The following PDE1C variants were observed in gnomAD, a reference collection of about 807,000 sequenced individuals.
The protein encoded by PDE1C is phosphodiesterase 1C, also known as dual specificity calcium/calmodulin-dependent 3',5'-cyclic nucleotide phosphodiesterase 1C.
Under a neutral mutation model 93.1 loss-of-function variants are expected in PDE1C, and 62 were observed. That is an observed-to-expected ratio of 0.67 (90% CI 0.54 to 0.82). The LOEUF is 0.82. PDE1C is among the 40% of genes least tolerant of loss of function. The pLI is 0.00. For missense variants in PDE1C, 742 were observed against 884.6 expected (o/e 0.84, Z 2.04); for synonymous variants, 325 against 310.1 (o/e 1.05, Z -0.50).
At chr7:31,945,110 C>T (rs1274492864) in intron 2 of PDE1C, among the ~76,000 whole-genome samples, 1 of 152,112 alleles carries the variant, frequency 6.6e-6, no homozygotes, top group Non-Finnish European at 1.5e-5. Context: ...TTTCAAATAA[C>T]ATTCCACTCA....
intron 2 of PDE1C, among the ~76,000 whole-genome samples, chr7:32,025,059 A>G (rs1456913747): frequency 6.6e-6 from 1 of 152,122 alleles, no homozygotes; most frequent in African/African-American, 2.4e-5. Context: ...TCACTGACAG[A>G]AGAGGCAAAT....
rs560054094 is a variant in PDE1C, at chr7:32,180,361, G to A, written c.137-10405C>T. Among the ~76,000 whole-genome samples, 3 of 152,298 alleles carry A rather than the reference G, an allele frequency of 2.0e-5. No homozygotes were observed. The South Asian group carries it at 6.2e-4, about 32-fold the overall frequency. On this transcript the variant is annotated intron_variant, in intron 2 of 18. Coordinates refer to the PDE1C transcript ENST00000396193. The stretch of plus-strand genomic sequence containing the variant: ...TGATGATACATTCTAAATTCCCAAA[G>A]ACATTAGGATTTATTTCTAAGTTAT...
Position 31,816,070 on chromosome 7 carries a change from G to A in PDE1C, c.1667C>T (p.Ala556Val). The A allele has an allele frequency of 6.2e-7, 1 of 1,613,974 alleles. No individual in the cohort carries two copies. The highest frequency in any genetic ancestry group is 8.5e-7 in the Non-Finnish European group (1 of 1,179,934). Reference protein sequence around the residue: ...QQKEMEAKSQAEEGASGKAEK... With the variant: ...QQKEMEAKSQVEEGASGKAEK... ...AGCTTTGCCAGATGCGCCTTCTTCAGCCTGGCTTTTGGCTTCCATTTCCTT... is the reference window on the plus strand; with the variant it reads ...AGCTTTGCCAGATGCGCCTTCTTCAACCTGGCTTTTGGCTTCCATTTCCTT... The change falls in exon 15 of 18, where the codon GCT (alanine) becomes GTT (valine). Residue 556 changes from alanine (A) to valine (V), a missense_variant. Around this residue, in one of 4 missense-constraint regions of PDE1C, gnomAD observed 454 missense variants for 459.4 expected, o/e 0.99. Coordinates refer to ENST00000396191, the MANE Select transcript of PDE1C (RefSeq NM_001191057.4).
intron 17 of PDE1C, among the ~76,000 whole-genome samples, chr7:31,757,662 G>C (rs1021822564): frequency 6.6e-5 from 10 of 152,174 alleles, no homozygotes; most frequent in Non-Finnish European, 1.3e-4. Flanking sequence ...TGCTGGAGAG[G>C]ATATGGAGAA....
chr7:32,136,531 G>A (rs756123286), intron 3 of PDE1C, among the ~76,000 whole-genome samples: 6 of 97,842 alleles, frequency 6.1e-5, no homozygotes, highest in African/African-American at 1.7e-4. Context: ...TGTGCCCAGA[G>A]TGTCTAGCAC....
At chr7:32,319,922 A>G (rs1783253711) in intron 1 of PDE1C, among the ~76,000 whole-genome samples, 1 of 152,140 alleles carries the variant, frequency 6.6e-6, no homozygotes, top group Non-Finnish European at 1.5e-5. Context: ...AGATAGGTAA[A>G]AATTACTTAT....
At chr7:32,061,816 C>A (rs1378681870) in intron 1 of PDE1C, among the ~76,000 whole-genome samples, 1 of 152,184 alleles carries the variant, frequency 6.6e-6, no homozygotes, top group Middle Eastern at 3.2e-3. Flanking sequence ...ATATTTTGAA[C>A]AAGTAAATGC....
chr7:32,021,200 T>G (rs1165252188), intron 2 of PDE1C, among the ~76,000 whole-genome samples: 3 of 152,126 alleles, frequency 2.0e-5, no homozygotes, highest in Non-Finnish European at 4.4e-5. Context: ...TCTGAGCCCT[T>G]TCTGCCTGGA....
chr7:31,780,086 G>A (rs1306206707), intron 16 of PDE1C, among the ~76,000 whole-genome samples: 1 of 152,090 alleles, frequency 6.6e-6, no homozygotes, highest in African/African-American at 2.4e-5. Flanking sequence ...AGAATCATCA[G>A]GGGAGTTCTT....
the PDE1C span, among the ~76,000 whole-genome samples, chr7:31,667,177 C>T: frequency 2.6e-5 from 4 of 152,022 alleles, no homozygotes; most frequent in Non-Finnish European, 4.4e-5. Flanking sequence ...GACTGATGTC[C>T]GGCTGACCTA....
At chr7:31,993,247 T>C (rs1021204057) in intron 2 of PDE1C, among the ~76,000 whole-genome samples, 11 of 152,224 alleles carry the variant, frequency 7.2e-5, no homozygotes, top group African/African-American at 2.7e-4. Context: ...TTCCTGATCA[T>C]TCAGTATGAA....
At chr7:32,400,043 A>G (rs769240447) in intron 1 of PDE1C, among the ~76,000 whole-genome samples, 1 of 152,208 alleles carries the variant, frequency 6.6e-6, no homozygotes, top group South Asian at 2.1e-4. Context: ...TCATTTGTAA[A>G]GTCCTAGGAT....
At chr7:32,300,001 G>A (rs946821534), upstream of PDE1C, among the ~76,000 whole-genome samples, 2 of 152,110 alleles carry the variant, frequency 1.3e-5, no homozygotes, top group African/African-American at 2.4e-5. Flanking sequence ...CCAATAATAA[G>A]AATCAACCAG....
chr7:31,899,085 A>G (rs1444765797), intron 2 of PDE1C, among the ~76,000 whole-genome samples: 3 of 147,794 alleles, frequency 2.0e-5, no homozygotes, highest in Non-Finnish European at 4.5e-5. Context: ...CCCTTAGTGG[A>G]CTGTTGCTTT....
chr7:32,179,088 A>T (rs1347927004), intron 2 of PDE1C, among the ~76,000 whole-genome samples: 1 of 152,146 alleles, frequency 6.6e-6, no homozygotes, highest in African/African-American at 2.4e-5. Flanking sequence ...TCATTCTCCT[A>T]ATCCAAGGCT....
intron 1 of PDE1C, among the ~76,000 whole-genome samples, chr7:32,308,100 G>A (rs1236856661): frequency 6.6e-6 from 1 of 152,266 alleles, no homozygotes; most frequent in East Asian, 1.9e-4. Context: ...ATGGCTCAGA[G>A]GGTCCAACGC....
chr7:31,663,138 C>G, the PDE1C span, among the ~76,000 whole-genome samples: 4 of 152,176 alleles, frequency 2.6e-5, no homozygotes, highest in Non-Finnish European at 5.9e-5. Context: ...TCTTCATACT[C>G]TGATTCTCAT....
At chr7:32,056,069 A>C (rs1303861615) in intron 1 of PDE1C, among the ~76,000 whole-genome samples, 1 of 152,098 alleles carries the variant, frequency 6.6e-6, no homozygotes, top group African/African-American at 2.4e-5. Context: ...TAATATTTTG[A>C]AACTTGAAAC....
At chr7:32,197,525 G>A (rs1355647621) in intron 2 of PDE1C, among the ~76,000 whole-genome samples, 1 of 152,032 alleles carries the variant, frequency 6.6e-6, no homozygotes, top group Non-Finnish European at 1.5e-5. Context: ...TTATTCACAA[G>A]AGCCAAAAAT....
Sources: gnomAD v4.1 joint callset for allele counts (sites outside exome capture counted in the v4.1 genomes callset) on GRCh38, gnomAD v4.1.1 for gene constraint, gnomAD v4.1.1 regional missense constraint, MANE v1.5 for transcripts, NCBI Gene and HGNC (gene_info 2026-07-23, HGNC 2026-07-21) for gene names.